The following MFSD11 variants were observed in gnomAD, a reference collection of about 807,000 sequenced individuals.
MFSD11 encodes UNC93-like protein MFSD11.
In MFSD11, 36 loss-of-function variants were observed where a neutral mutation model predicts 53.5. That is an observed-to-expected ratio of 0.67 (90% confidence interval 0.52 to 0.89). The LOEUF (loss-of-function observed/expected upper bound fraction) is 0.89. Ranked by LOEUF, MFSD11 falls within the 40% of genes least tolerant of loss-of-function variation. The pLI is 0.00. For synonymous variants in MFSD11, 186 were observed against 184.9 expected (o/e 1.01, Z -0.05); for missense variants, 530 against 543.9 (o/e 0.97, Z 0.25).
At chr17:76,760,153 A>G (rs934693658) in intron 8 of MFSD11, among the ~76,000 whole-genome samples, 10 of 150,242 alleles carry the variant, frequency 6.7e-5, no homozygotes, top group African/African-American at 2.5e-4. Flanking sequence ...CTATAATCCC[A>G]GCTCCTCGGG....
downstream of MFSD11, among the ~76,000 whole-genome samples, chr17:76,785,743 C>T (rs951197387): frequency 6.6e-5 from 10 of 152,058 alleles, no homozygotes; most frequent in Non-Finnish European, 1.2e-4. Flanking sequence ...CACTGAACTG[C>T]ACACTTCAAA....
chr17:76,752,075 C>G (rs1475202173), intron 7 of MFSD11, among the ~76,000 whole-genome samples: 1 of 152,178 alleles, frequency 6.6e-6, no homozygotes, highest in Non-Finnish European at 1.5e-5. Context: ...AAGGAAATGT[C>G]TGCTTTGTGA....
the MFSD11 span, among the ~76,000 whole-genome samples, chr17:76,794,261 A>T: frequency 4.0e-5 from 6 of 151,182 alleles, no homozygotes; most frequent in African/African-American, 7.4e-5. Context: ...AGGTGGGTGG[A>T]TTACCTGAGG....
chr17:76,782,467 G>A (rs556826719), downstream of MFSD11, among the ~76,000 whole-genome samples: 4 of 108,874 alleles, frequency 3.7e-5, no homozygotes, highest in Admixed American at 1.2e-4. Context: ...GAGCCACCGC[G>A]CCCAGGCTTT....
intron 7 of MFSD11, among the ~76,000 whole-genome samples, chr17:76,745,804 A>ATTATTTAT (rs1229585849): frequency 1.6e-4 from 19 of 119,242 alleles, no homozygotes; most frequent in African/African-American, 5.5e-4. Flanking sequence ...CTCTCACTTT[A>ATTATTTAT]TTATTTACTT....
At chr17:76,769,934 T>C (rs1419488269) in intron 10 of MFSD11, 63 bp downstream of exon 10, 1 of 1,459,830 alleles carries the variant, frequency 6.9e-7, no homozygotes, top group Admixed American at 2.2e-5. Context: ...AAATAGAAAT[T>C]TTAAGTGTGC....
downstream of MFSD11, among the ~76,000 whole-genome samples, chr17:76,780,011 G>A (rs536105711): frequency 2.0e-5 from 3 of 152,258 alleles, no homozygotes; most frequent in South Asian, 6.2e-4. Context: ...CTGGGTGCGG[G>A]AATGGAACAT....
downstream of MFSD11, among the ~76,000 whole-genome samples, chr17:76,786,057 A>AT (rs2082269669): frequency 7.4e-6 from 1 of 134,736 alleles, no homozygotes; most frequent in African/African-American, 2.8e-5. Context: ...CATAGGCAAC[A>AT]GAGCAAGACT....
intron 4 of MFSD11, 30 bp downstream of exon 4, chr17:76,742,078 T>C: frequency 6.2e-7 from 1 of 1,614,164 alleles, no homozygotes; most frequent in Non-Finnish European, 8.5e-7. Context: ...ACTTCTCTGC[T>C]TTCTTTTCTG....
intron 2 of MFSD11, among the ~76,000 whole-genome samples, chr17:76,739,682 A>C (rs2077863281): frequency 6.6e-6 from 1 of 152,164 alleles, no homozygotes; most frequent in Non-Finnish European, 1.5e-5. Flanking sequence ...ACAGTTTCTT[A>C]ATTTCTCTAG....
chr17:76,753,896 C>T (rs1204397318), intron 7 of MFSD11, 151 bp from the exon 8 acceptor site: 1 of 596,792 alleles, frequency 1.7e-6, no homozygotes, highest in East Asian at 3.0e-5. Flanking sequence ...ATGAGGGACA[C>T]CCTGAGGCAA....
chr17:76,757,835 C>G (rs1449927529), intron 8 of MFSD11, among the ~76,000 whole-genome samples: 3 of 151,834 alleles, frequency 2.0e-5, no homozygotes, highest in African/African-American at 4.8e-5. Flanking sequence ...ATGGTGAAAC[C>G]CTGTCTCTAC....
At chr17:76,803,266 C>G in the MFSD11 span, among the ~76,000 whole-genome samples, 1 of 152,214 alleles carries the variant, frequency 6.6e-6, no homozygotes, top group South Asian at 2.1e-4. Flanking sequence ...ACCTAACCAA[C>G]TCCATCTTGC....
At chr17:76,737,207 T>C (rs548809319), upstream of MFSD11, 199 of 1,502,360 alleles carry the variant, frequency 1.3e-4, no homozygotes, top group Admixed American at 2.5e-4. Flanking sequence ...GCCGGCTTCC[T>C]CAGCTCTGGG....
At chr17:76,752,170 C>G (rs1429505393) in intron 7 of MFSD11, among the ~76,000 whole-genome samples, 4 of 152,212 alleles carry the variant, frequency 2.6e-5, no homozygotes, top group Non-Finnish European at 5.9e-5. Flanking sequence ...GTTGCTCAGT[C>G]CTCAGACAGC....
At chr17:76,749,299 G>A (rs1455647019) in intron 7 of MFSD11, among the ~76,000 whole-genome samples, 1 of 151,930 alleles carries the variant, frequency 6.6e-6, no homozygotes, top group Non-Finnish European at 1.5e-5. Flanking sequence ...CGAGACAGGC[G>A]GATTGCTTGA....
At chr17:76,755,828 T>A (rs1188506296) in intron 8 of MFSD11, among the ~76,000 whole-genome samples, 1 of 65,154 alleles carries the variant, frequency 1.5e-5, no homozygotes, top group African/African-American at 4.9e-5. Flanking sequence ...TTTTTTTTTT[T>A]TTTTTTTTTT....
rs142995438 is a variant in MFSD11, at chr17:76,739,380, C to T, written c.152+387C>T. Among the ~76,000 whole-genome samples, 36 of 152,286 alleles carry T rather than the reference C, an allele frequency of 2.4e-4. No individual in the cohort carries two copies. In the East Asian group the frequency reaches 6.7e-3, roughly 29 times the overall value. On this transcript the variant is annotated intron_variant, in intron 2 of 12. Transcript: ENST00000685175. ...GTTGTGATTCTTGAAACATTTGGTC[C>T]TTCTGTTTTTGTAATTCATGACGAT...
intron 7 of MFSD11, among the ~76,000 whole-genome samples, chr17:76,752,263 C>T (rs1187277277): frequency 6.6e-6 from 1 of 152,038 alleles, no homozygotes; most frequent in Admixed American, 6.6e-5. Context: ...GTACAATGAT[C>T]TAATGTTAGG....
Sources: gnomAD v4.1 joint callset for allele counts (sites outside exome capture counted in the v4.1 genomes callset) on GRCh38, gnomAD v4.1.1 for gene constraint, MANE v1.5 for transcripts, NCBI Gene and HGNC (gene_info 2026-07-23, HGNC 2026-07-21) for gene names.